Variants in ARAP2 observed in about 807,000 individuals in gnomAD.
The protein encoded by ARAP2 is arf-GAP with Rho-GAP domain, ANK repeat and PH domain-containing protein 2.
ARAP2 carries 148 observed loss-of-function variants against 194.5 expected under a neutral mutation model. That is an observed-to-expected ratio of 0.76 (90% CI 0.67 to 0.87). The LOEUF is 0.87. Among genes scored for constraint, ARAP2 ranks in the 40% least tolerant of loss-of-function variants. The pLI is 0.00. For synonymous variants in ARAP2, 695 were observed against 683.5 expected, an observed-to-expected ratio of 1.02 and a Z score of -0.26; for missense variants, 2,128 against 1,989.7, an observed-to-expected ratio of 1.07 and a Z score of -1.32.
intron 6 of ARAP2, among the ~76,000 whole-genome samples, chr4:36,209,668 A>G (rs1171743396): frequency 6.6e-6 from 1 of 152,184 alleles, no homozygotes; most frequent in Non-Finnish European, 1.5e-5. Context: ...GATACATGAA[A>G]GCTTTAATCT....
At position 36,212,428 on chromosome 4, in the gene ARAP2, A is replaced by G; in HGVS notation, c.1101T>C (p.Ala367=). The change falls in exon 5 of 33, where the codon GCT becomes GCC. Residue 367 remains alanine, a synonymous_variant. Transcript: ENST00000303965. ...TGATGATAAAAGAGTTTGTTGCAGT[A>G]GCTGCTTCCCCTTTGAGTGCTTCTC... The part of the protein sequence containing the change: ...TQGEALKGEA[A]TATNSFIIKS... The G allele has an allele frequency of 6.2e-7, 1 of 1,612,486 alleles. No individual in the cohort carries two copies. Among genetic ancestry groups the G allele is most frequent in the Non-Finnish European group, 8.5e-7 (1 of 1,178,894 alleles).
chr4:36,145,175 AG>A (rs1245596712), intron 19 of ARAP2, among the ~76,000 whole-genome samples: 2 of 151,842 alleles, frequency 1.3e-5, no homozygotes, highest in African/African-American at 4.8e-5. Context: ...TCCCACTACT[AG>A]GTATCTATCC....
At position 36,067,910 on chromosome 4, in the gene ARAP2, C is replaced by T. The variant is rs1251132053; in HGVS notation, c.5112G>A (p.Lys1704=). ...GGGGAGCAATTCATTTTATTTCCTA[C>T]TTCAAAATCTGCTCATCCTGTAATT... The part of the protein sequence containing the change: ...PKELQDEQIL[K] The change falls in exon 33 of 33, where the codon AAG becomes AAA. Residue 1704 remains lysine, a synonymous_variant. Coordinates refer to ENST00000303965, the MANE Select transcript of ARAP2 (RefSeq NM_015230.4). The T allele has an allele frequency of 1.9e-6, 3 of 1,568,510 alleles. No individual in the cohort carries two copies. The highest frequency in any genetic ancestry group is 2.7e-5 in the African/African-American group (2 of 72,994).
chr4:36,133,123 A>G (rs1578011193), intron 20 of ARAP2, 103 bp downstream of exon 20: 1 of 1,128,480 alleles, frequency 8.9e-7, no homozygotes, highest in East Asian at 2.6e-5. Context: ...GATACTTACA[A>G]ATATAAAGGG....
chr4:36,145,006 G>T (rs1409105063), intron 19 of ARAP2, among the ~76,000 whole-genome samples: 4 of 151,808 alleles, frequency 2.6e-5, no homozygotes, highest in African/African-American at 9.7e-5. Context: ...AAATAATCTT[G>T]CACTATTATA....
chr4:36,172,342 TAGTC>T (rs1264543377), intron 9 of ARAP2, among the ~76,000 whole-genome samples: 3 of 152,160 alleles, frequency 2.0e-5, no homozygotes, highest in Non-Finnish European at 4.4e-5. Context: ...TTTATGAAAA[TAGTC>T]AGGTCTACCT....
chr4:36,019,511 A>G (rs148678877), intron 5 of ARAP2, among the ~76,000 whole-genome samples: 1 of 149,202 alleles, frequency 6.7e-6, no homozygotes, highest in Non-Finnish European at 1.5e-5. Context: ...ACCTGGAACA[A>G]TATCGGATAC....
At chr4:36,102,862 T>C (rs981679865) in intron 27 of ARAP2, among the ~76,000 whole-genome samples, 3 of 151,932 alleles carry the variant, frequency 2.0e-5, no homozygotes, top group Admixed American at 6.6e-5. Context: ...CACCACAGAA[T>C]TATATTTTAG....
At chr4:36,105,514 C>G (rs1454565790) in intron 27 of ARAP2, among the ~76,000 whole-genome samples, 1 of 151,940 alleles carries the variant, frequency 6.6e-6, no homozygotes, top group Non-Finnish European at 1.5e-5. Flanking sequence ...ACTCATAACT[C>G]CATCTAGAAG....
At chr4:36,191,434 C>T (rs183566255) in intron 7 of ARAP2, among the ~76,000 whole-genome samples, 5 of 151,324 alleles carry the variant, frequency 3.3e-5, no homozygotes, top group South Asian at 2.1e-4. Context: ...AATAATTCCC[C>T]AGAGGTGATC....
chr4:36,234,911 A>G (rs1178954010), intron 1 of ARAP2, among the ~76,000 whole-genome samples: 1 of 152,216 alleles, frequency 6.6e-6, no homozygotes, highest in African/African-American at 2.4e-5. Context: ...TAGAGAATGT[A>G]TAAATAGTTG....
In ARAP2 at chr4:36,228,838, G is replaced by A. The variant is rs564572610; in HGVS notation, c.649C>T (p.Leu217Phe). ...SKLPNADSEC[L>F]SFVGCSTSGT... is the part of the protein sequence containing the mutation. ...GATGTTGAACAGCCAACAAAAGAAAGGCATTCAGAGTCTGCATTAGGGAGC... is the reference window on the plus strand; with the variant it reads ...GATGTTGAACAGCCAACAAAAGAAAAGCATTCAGAGTCTGCATTAGGGAGC... Residue 217 changes from leucine (L) to phenylalanine (F), a missense_variant, in exon 2 of 33, where the codon CTT becomes TTT. Physicochemically the swap from Leu to Phe is conservative, Grantham distance 22. Transcript: ENST00000303965. 1.6e-5 allele frequency: 26 copies of A among 1,614,130 alleles called. No homozygotes were observed. The South Asian group carries it at 2.7e-4, about 17-fold the overall frequency.
downstream of ARAP2, among the ~76,000 whole-genome samples, chr4:36,064,306 G>A (rs1347432183): frequency 1.3e-5 from 2 of 151,492 alleles, no homozygotes; most frequent in African/African-American, 4.9e-5. Flanking sequence ...CCTTAGAGGT[G>A]GAAATAAGCC....
intron 2 of ARAP2, among the ~76,000 whole-genome samples, chr4:36,217,075 T>C (rs776936827): frequency 4.6e-5 from 7 of 152,218 alleles, no homozygotes; most frequent in South Asian, 2.1e-4. Flanking sequence ...AAGAAACTCT[T>C]AGAAGTAACA....
chr4:36,129,554 T>A (rs141508470), intron 20 of ARAP2, among the ~76,000 whole-genome samples: 1 of 152,004 alleles, frequency 6.6e-6, no homozygotes, highest in African/African-American at 2.4e-5. Context: ...TCTGAACGAA[T>A]CCCTGTAAAT....
intron 22 of ARAP2, among the ~76,000 whole-genome samples, chr4:36,121,620 G>A (rs1385177077): frequency 2.0e-5 from 3 of 151,734 alleles, no homozygotes; most frequent in Non-Finnish European, 2.9e-5. Flanking sequence ...AAAACAACCT[G>A]TGGCCAAAGT....
intron 5 of ARAP2, among the ~76,000 whole-genome samples, chr4:36,020,439 GCTGATAA>G (rs1716722715): frequency 6.8e-6 from 1 of 147,992 alleles, no homozygotes; most frequent in Non-Finnish European, 1.5e-5. Context: ...AGTAAATCAA[GCTGATAA>G]CTGAGATGGC....
chr4:36,243,359 C>T (rs1178542784), intron 1 of ARAP2, among the ~76,000 whole-genome samples: 1 of 119,328 alleles, frequency 8.4e-6, no homozygotes, highest in East Asian at 2.4e-4. Context: ...TTCTACTGAA[C>T]AGCCTACTTC....
At chr4:36,182,266 G>C (rs958348151) in intron 8 of ARAP2, among the ~76,000 whole-genome samples, 2 of 152,184 alleles carry the variant, frequency 1.3e-5, no homozygotes, top group African/African-American at 4.8e-5. Flanking sequence ...GCCAAGGCTG[G>C]CAAATCACGA....
Sources: allele counts gnomAD v4.1 joint callset (sites outside exome capture counted in the v4.1 genomes callset), GRCh38; gene constraint gnomAD v4.1.1; transcripts MANE v1.5; gene names NCBI Gene and HGNC (gene_info 2026-07-23, HGNC 2026-07-21).